Variants in CELSR3 observed in about 807,000 individuals in gnomAD.
CELSR3 encodes EGF-like protein 1.
Under a neutral mutation model 270.0 loss-of-function variants are expected in CELSR3, and 73 were observed. The observed-to-expected ratio is 0.27, with a 90% CI of 0.22 to 0.33. CELSR3 has a LOEUF of 0.33. CELSR3 is among the 10% of genes least tolerant of loss of function. CELSR3 has a pLI of 1.00. For synonymous variants in CELSR3, 1,780 were observed against 1,905.4 expected, an observed-to-expected ratio of 0.93 and a Z score of 1.71; for missense variants, 3,614 against 4,533.8, an observed-to-expected ratio of 0.80 and a Z score of 5.83.
chr3:48,639,892 G>A lies in CELSR3; in HGVS notation c.9693C>T (p.Val3231=), dbSNP rs1559474671. 6.2e-7 allele frequency: 1 copy of A among 1,613,356 alleles called. No homozygotes were observed. The highest frequency in any genetic ancestry group is 8.5e-7 in the Non-Finnish European group (1 of 1,180,006). The change falls in exon 34 of 35, where the codon GTC becomes GTT. Residue 3231 remains valine, a synonymous_variant. Transcript: ENST00000164024. The surrounding 1 kb of genome is among the most constrained non-coding windows in gnomAD (Gnocchi z 4.1). ...TGGAGGGGCCATGGCTGGGGCCACT[G>A]ACCGAGTCCTCCCTAGCTCTGAGCA... is the stretch of plus-strand genomic sequence containing the variant. ...PQLLRAREDS[V]SGPSHGPSTE...
In CELSR3 at chr3:48,656,231, G is replaced by A. The variant is rs1453329901; in HGVS notation, c.4534C>T (p.Arg1512Cys). ...CPAGGAFEGP[R>C]CEVAARSFPP... is the part of the protein sequence containing the mutation. ...AAGGAGCGCGCAGCCACCTCGCAGC[G>A]CGGGCCCTCGAAGGCGCCGCCTGCC... The change falls in exon 3 of 35, where the codon CGC becomes TGC. Residue 1512 changes from arginine (R) to cysteine (C), a missense_variant. Arg to Cys is a radical substitution (Grantham distance 180). Around this residue, in one of 7 missense-constraint regions of CELSR3, gnomAD observed 1,331 missense variants for 1,933.7 expected, o/e 0.69. Transcript: ENST00000164024. 2 of 1,535,362 alleles carry A rather than the reference G, an allele frequency of 1.3e-6. No homozygotes were observed. The highest frequency in any genetic ancestry group is 2.4e-5 in the South Asian group (2 of 84,050).
intron 17 of CELSR3, 35 bp from the exon 18 acceptor site, chr3:48,648,963 C>A: frequency 1.9e-6 from 3 of 1,605,876 alleles, no homozygotes; most frequent in Non-Finnish European, 2.6e-6. Context: ...TCTGTGGTCC[C>A]TTAGGCCTTC....
chr3:48,658,383 G>A lies in CELSR3; in HGVS notation c.3748+504C>T, dbSNP rs1397948261. ...GTGGACCTCTGGACATTTTCCCAAA[G>A]GTCAGGGTCTCAGGCCCTACGAAGC... is the stretch of plus-strand genomic sequence containing the variant. On this transcript the variant is annotated intron_variant, in intron 1 of 34. Transcript: ENST00000164024. This position sits in a 1 kb window ranked among gnomAD's most constrained non-coding sequence, Gnocchi z 4.7. Among the ~76,000 whole-genome samples, 1 of 152,224 alleles carries A rather than the reference G, an allele frequency of 6.6e-6. No individual in the cohort carries two copies. The highest frequency in any genetic ancestry group is 2.4e-5 in the African/African-American group (1 of 41,452).
rs2077032818 is a variant in CELSR3 at position 48,657,397 on chromosome 3, C to T, written c.3749-49G>A. 7 of 1,497,946 alleles carry T rather than the reference C, an allele frequency of 4.7e-6. No individual in the cohort carries two copies. The highest frequency in any genetic ancestry group is 1.4e-5 in the African/African-American group (1 of 72,398). The allele number at this position is 1,497,946 out of a possible 1,614,324, so 92.8% of individuals were successfully genotyped here. On this transcript the variant is annotated intron_variant, in intron 1 of 34. Coordinates refer to ENST00000164024, the MANE Select transcript of CELSR3 (RefSeq NM_001407.3). This position sits in a 1 kb window ranked among gnomAD's most constrained non-coding sequence, Gnocchi z 5.4. ...GGTCATCCTGGGGACAGTGGCCACC[C>T]CTCCCTGGGACACAAGAGGGCTGGG...
rs759373915 is a variant in CELSR3, at chr3:48,662,247, C to G, written c.388G>C (p.Gly130Arg). 9.3e-6 allele frequency: 15 copies of G among 1,613,046 alleles called. No individual in the cohort carries two copies. In the African/African-American group the frequency reaches 9.3e-5, roughly 10 times the overall value. ...TCTGGGCGCCAGTATAACACAGACC[C>G]TGGTCCCTGTCCTGTCTCTCGTTCG... ...SRERETGQGP[G>R]SVLYWRPEVS... is the part of the protein sequence containing the mutation. Residue 130 changes from glycine to arginine, a missense_variant, in exon 1 of 35, where the codon GGG (glycine) becomes CGG (arginine). Transcript: ENST00000164024. The surrounding 1 kb of genome is among the most constrained non-coding windows in gnomAD (Gnocchi z 7.1).
In CELSR3 at chr3:48,648,429, G is replaced by A. The variant is rs1177194655; in HGVS notation, c.6810C>T (p.Ala2270=). Residue 2270 remains alanine, a synonymous_variant, in exon 19 of 35, where the codon GCC becomes GCT. Transcript: ENST00000164024. ...CCGCCCACAAGTCCCCTGTCTCTGGGGCAAGCAGTGCAGAGCCGGCCCACA... is the reference window on the plus strand; with the variant it reads ...CCGCCCACAAGTCCCCTGTCTCTGGAGCAAGCAGTGCAGAGCCGGCCCACA... ...NLLWAGSALL[A]PETGDLWAAL... 1 of 1,597,468 alleles carries A rather than the reference G, an allele frequency of 6.3e-7. No individual in the cohort carries two copies. Among genetic ancestry groups the A allele is most frequent in the African/African-American group, 1.3e-5 (1 of 74,492 alleles).
Position 48,639,548 on chromosome 3 carries a change from G to T in CELSR3, c.9911+126C>A. On this transcript the variant is annotated intron_variant, in intron 34 of 34. Coordinates refer to ENST00000164024, the MANE Select transcript of CELSR3 (RefSeq NM_001407.3). This position sits in a 1 kb window ranked among gnomAD's most constrained non-coding sequence, Gnocchi z 4.1. ...CAGCCTGTGGCCCTCTGGCTGTGCT[G>T]AGCCTGGGGTAGCCCACACCTGTCT... 7.6e-7 allele frequency: 1 copy of T among 1,307,670 alleles called. No homozygotes were observed. The highest frequency in any genetic ancestry group is 1.1e-6 in the Non-Finnish European group (1 of 950,248). The allele number at this position is 1,307,670 out of a possible 1,614,324, so 81.0% of individuals were successfully genotyped here.
Position 48,661,246 on chromosome 3 carries a change from G to A in CELSR3, c.1389C>T (p.Pro463=). The change falls in exon 1 of 35, where the codon CCC becomes CCT. Residue 463 remains proline (P), a synonymous_variant. Transcript: ENST00000164024. The part of the protein sequence containing the change: ...LQLRATDGDA[P]PNANLRYRFV... Reference sequence around the variant, plus strand: ...AGCGGTAGCGCAGGTTGGCGTTGGGGGGCGCGTCGCCGTCAGTGGCACGCA... The same window carrying A: ...AGCGGTAGCGCAGGTTGGCGTTGGGAGGCGCGTCGCCGTCAGTGGCACGCA... 4.4e-6 allele frequency: 7 copies of A among 1,608,574 alleles called. No homozygotes were observed. In the South Asian group the frequency reaches 5.5e-5, roughly 13 times the overall value.
chr3:48,646,763 C>T lies in CELSR3; in HGVS notation c.7295G>A (p.Arg2432Lys). Residue 2432 changes from arginine to lysine, a missense_variant and splice_region_variant, in exon 21 of 35, where the codon AGG becomes AAG. By Grantham distance (26) the Arg-to-Lys change is conservative. Around this residue, in one of 7 missense-constraint regions of CELSR3, gnomAD observed 1,240 missense variants for 1,351.7 expected, o/e 0.92. Coordinates refer to ENST00000164024, the MANE Select transcript of CELSR3 (RefSeq NM_001407.3). The surrounding 1 kb of genome is among the most constrained non-coding windows in gnomAD (Gnocchi z 4.8). ...AQFQAERRGA[R>K]LPQNPVMNSP... ...GCTCAGGGGTGAGGGGCCTGAGTAC[C>T]TGGCACCTCGGCGTTCTGCCTGGAA... 1 of 1,608,392 alleles carries T rather than the reference C, an allele frequency of 6.2e-7. No individual in the cohort carries two copies. Among genetic ancestry groups the T allele is most frequent in the Non-Finnish European group, 8.5e-7 (1 of 1,178,286 alleles).
chr3:48,637,992 A>G lies in CELSR3; in HGVS notation c.*213T>C. ...TGGTTACAAAGGTACAAAACGTATA[A>G]AAGTCTCCCTCCAGTCCCCCGTCTC... On this transcript the variant is annotated 3_prime_UTR_variant, in exon 35 of 35. Transcript: ENST00000164024. 1 of 534,864 alleles carries G rather than the reference A, an allele frequency of 1.9e-6. No individual in the cohort carries two copies. The allele number at this position is 534,864 out of a possible 1,614,324, so 33.1% of individuals were successfully genotyped here.
In CELSR3 at chr3:48,652,043, C is replaced by T. The variant is rs759389739; in HGVS notation, c.5757G>A (p.Val1919=). 3.9e-6 allele frequency: 6 copies of T among 1,548,150 alleles called. No individual in the cohort carries two copies. The East Asian group carries it at 9.1e-5, about 23-fold the overall frequency. ...PQGLVGCIQG[V]WLGSTPSGSP... Reference sequence around the variant, plus strand: ...AGCCAGAGGGTGTGGAGCCGAGCCACACCCCCTGTGGACACACAGCCAGCA... The same window carrying T: ...AGCCAGAGGGTGTGGAGCCGAGCCATACCCCCTGTGGACACACAGCCAGCA... Residue 1919 remains valine, a synonymous_variant, in exon 12 of 35, where the codon GTG becomes GTA. Transcript: ENST00000164024. This position sits in a 1 kb window ranked among gnomAD's most constrained non-coding sequence, Gnocchi z 4.3.
rs2106703155 is a variant in CELSR3 at position 48,645,376 on chromosome 3, T to C, written c.7797+67A>G. 2 of 1,597,250 alleles carry C rather than the reference T, an allele frequency of 1.3e-6. No homozygotes were observed. The highest frequency in any genetic ancestry group is 1.7e-6 in the Non-Finnish European group (2 of 1,166,576). On this transcript the variant is annotated intron_variant, in intron 24 of 34. Transcript: ENST00000164024. This position sits in a 1 kb window ranked among gnomAD's most constrained non-coding sequence, Gnocchi z 5.4. Reference sequence around the variant, plus strand: ...GCATCCCTGACCTCTGACCCTGAGTTTTGGCCCCAGGCCTCCTGGGCCAGT... The same window carrying C: ...GCATCCCTGACCTCTGACCCTGAGTCTTGGCCCCAGGCCTCCTGGGCCAGT...
At position 48,639,001 on chromosome 3, in the gene CELSR3, C is replaced by T. The variant is rs2046998786; in HGVS notation, c.9911+673G>A. Among the ~76,000 whole-genome samples the T allele has an allele frequency of 6.6e-6, 1 of 151,686 alleles. No homozygotes were observed. The highest frequency in any genetic ancestry group is 1.5e-5 in the Non-Finnish European group (1 of 67,996). ...TCTTGGCTTACAAGAGACCTGGAAG[C>T]TCCTGGTTCCTCCCCACTCCCACCA... On this transcript the variant is annotated intron_variant, in intron 34 of 34. Coordinates refer to ENST00000164024, the MANE Select transcript of CELSR3 (RefSeq NM_001407.3). This position sits in a 1 kb window ranked among gnomAD's most constrained non-coding sequence, Gnocchi z 4.1.
Position 48,656,809 on chromosome 3 carries a change from C to G in CELSR3, c.4288G>C (p.Asp1430His). Residue 1430 changes from aspartate (D) to histidine (H), a missense_variant, in exon 2 of 35, where the codon GAC becomes CAC. Asp to His is a moderately conservative substitution (Grantham distance 81, BLOSUM62 -1). This residue lies in a region of CELSR3 where 1,331 missense variants were observed against 1,933.7 expected (regional missense o/e 0.69). Coordinates refer to ENST00000164024, the MANE Select transcript of CELSR3 (RefSeq NM_001407.3). Reference protein sequence around the residue: ...RCRCPPGFTGDFCETELDLCY... With the variant: ...RCRCPPGFTGHFCETELDLCY... ...AGGTCGAGCTCGGTCTCGCAAAAGT[C>G]TCCCGTGAATCCGGGCGGGCAGCGG... 6.2e-7 allele frequency: 1 copy of G among 1,606,344 alleles called. No individual in the cohort carries two copies. The highest frequency in any genetic ancestry group is 8.5e-7 in the Non-Finnish European group (1 of 1,176,056).
rs943315552 is a variant in CELSR3, at chr3:48,662,292, C to G, written c.343G>C (p.Val115Leu). The change falls in exon 1 of 35, where the codon GTC becomes CTC. Residue 115 changes from valine to leucine, a missense_variant. Physicochemically the swap from Val to Leu is conservative, Grantham distance 32. Transcript: ENST00000164024. The surrounding 1 kb of genome is among the most constrained non-coding windows in gnomAD (Gnocchi z 7.1). ...CGTTCGCGGCTGCCCAATGGCTGGA[C>G]GCCGTGTTCAATCCCCAGCTCCTCA... ...PNEELGIEHG[V>L]QPLGSRERET... is the part of the protein sequence containing the mutation. 3 of 1,612,962 alleles carry G rather than the reference C, an allele frequency of 1.9e-6. No homozygotes were observed. In the African/African-American group the frequency reaches 4.0e-5, roughly 22 times the overall value.
rs2047115024 is a variant in CELSR3 at position 48,649,224 on chromosome 3, A to G, written c.6473-9T>C. 6.2e-7 allele frequency: 1 copy of G among 1,605,458 alleles called. No homozygotes were observed. The highest frequency in any genetic ancestry group is 8.5e-7 in the Non-Finnish European group (1 of 1,176,040). Reference sequence around the variant, plus strand: ...CAGCCGCACAGCAGCACCTGGAGGCAGGCAACCCCTGGTCAGGCCTGGGGC... The same window carrying G: ...CAGCCGCACAGCAGCACCTGGAGGCGGGCAACCCCTGGTCAGGCCTGGGGC... On this transcript the variant is annotated splice_polypyrimidine_tract_variant and intron_variant, in intron 16 of 34. Transcript: ENST00000164024.
In CELSR3 at chr3:48,640,247, T is replaced by G. The variant is rs1215614805; in HGVS notation, c.9338A>C (p.Glu3113Ala). Residue 3113 changes from glutamate (E) to alanine (A), a missense_variant, in exon 34 of 35, where the codon GAG (glutamate) becomes GCG (alanine). Physicochemically the swap from Glu to Ala is moderately radical, Grantham distance 107. Around this residue, in one of 7 missense-constraint regions of CELSR3, gnomAD observed 1,240 missense variants for 1,351.7 expected, o/e 0.92. Coordinates refer to ENST00000164024, the MANE Select transcript of CELSR3 (RefSeq NM_001407.3). This position sits in a 1 kb window ranked among gnomAD's most constrained non-coding sequence, Gnocchi z 7.5. ...CAGGGTGCTGCCCCGATCTTTGGGC[T>G]CCAGTCGGCCTGGTGCAGCATCCAT... Reference protein sequence around the residue: ...ECMDAAPGRLEPKDRGSTLPR... With the variant: ...ECMDAAPGRLAPKDRGSTLPR... The G allele has an allele frequency of 6.2e-7, 1 of 1,612,720 alleles. No individual in the cohort carries two copies. Among genetic ancestry groups the G allele is most frequent in the Non-Finnish European group, 8.5e-7 (1 of 1,179,912 alleles).
rs1358767898 is a variant in CELSR3 at position 48,646,964 on chromosome 3, CT to C, written c.7130-37del. 6 of 1,481,358 alleles carry C rather than the reference CT, an allele frequency of 4.1e-6. No homozygotes were observed. Among genetic ancestry groups the C allele is most frequent in the Non-Finnish European group, 4.5e-6 (5 of 1,118,078 alleles). 91.8% of individuals were successfully genotyped at this position (1,481,358 alleles called of 1,614,324 possible). A position where few individuals can be genotyped will look rare whatever the true frequency, so the allele number is the denominator to read the frequency against. On this transcript the variant is annotated intron_variant, in intron 20 of 34. Coordinates refer to ENST00000164024, the MANE Select transcript of CELSR3 (RefSeq NM_001407.3). The surrounding 1 kb of genome is among the most constrained non-coding windows in gnomAD (Gnocchi z 4.8). ...AGAAGGAGGAGCTTCTGTCAGTGAC[CT>C]TTGACCCAAAGCACCCACCAACCCA...
At position 48,640,985 on chromosome 3, in the gene CELSR3, G is replaced by A; in HGVS notation, c.9025+339C>T. The A allele has an allele frequency of 5.3e-6, 2 of 374,434 alleles. No homozygotes were observed. The highest frequency in any genetic ancestry group is 9.9e-5 in the East Asian group (2 of 20,130). 23.2% of individuals were successfully genotyped at this position (374,434 alleles called of 1,614,324 possible). On this transcript the variant is annotated intron_variant, in intron 33 of 34. Transcript: ENST00000164024. The surrounding 1 kb of genome is among the most constrained non-coding windows in gnomAD (Gnocchi z 7.5). Reference sequence around the variant, plus strand: ...TCCGGGTCCCCATAAAAGCAGAGTAGGGGGCAGAAATCTTCCAGATCAGAG... The same window carrying A: ...TCCGGGTCCCCATAAAAGCAGAGTAAGGGGCAGAAATCTTCCAGATCAGAG...
Sources: gnomAD v4.1 joint callset for allele counts (sites outside exome capture counted in the v4.1 genomes callset) on GRCh38, gnomAD v4.1.1 for gene constraint, gnomAD v4.1.1 regional missense constraint, Gnocchi (gnomAD v3.1) non-coding constraint, MANE v1.5 for transcripts, NCBI Gene and HGNC (gene_info 2026-07-23, HGNC 2026-07-21) for gene names.